The following L3MBTL4 variants were observed in gnomAD, a reference collection of about 807,000 sequenced individuals.
The protein encoded by L3MBTL4 is L3MBTL histone methyl-lysine binding protein 4.
A neutral mutation model predicts 84.5 loss-of-function variants in L3MBTL4; 70 were observed. The observed-to-expected ratio is 0.83, with a 90% CI of 0.68 to 1.01. The LOEUF (loss-of-function observed/expected upper bound fraction) is 1.01. Ranked by LOEUF, L3MBTL4 falls within the 50% of genes least tolerant of loss-of-function variation. The pLI, the probability that L3MBTL4 is intolerant of heterozygous loss-of-function variation, is 0.00. For missense variants in L3MBTL4, 715 were observed against 754.8 expected (o/e 0.95, Z 0.62); for synonymous variants, 274 against 259.8 (o/e 1.05, Z -0.52).
chr18:6,273,622 G>C (rs1375884258), intron 4 of L3MBTL4, among the ~76,000 whole-genome samples: 1 of 152,232 alleles, frequency 6.6e-6, no homozygotes, highest in African/African-American at 2.4e-5. Flanking sequence ...TTTGCGGACA[G>C]CTGGGGGCTG....
chr18:6,136,677 G>T (rs59817968), intron 14 of L3MBTL4, among the ~76,000 whole-genome samples: 2,822 of 152,134 alleles, frequency 0.019, 103 homozygotes, highest in African/African-American at 0.065. Context: ...GAAACCTTTA[G>T]AGGGTATTTA....
chr18:5,974,228 G>C (rs1350189679), intron 16 of L3MBTL4, among the ~76,000 whole-genome samples: 1 of 152,110 alleles, frequency 6.6e-6, no homozygotes. Context: ...TTCATTCAAG[G>C]TGCTTACAGA....
At chr18:6,349,323 G>A (rs1047641587) in intron 1 of L3MBTL4, among the ~76,000 whole-genome samples, 7 of 152,208 alleles carry the variant, frequency 4.6e-5, no homozygotes, top group Admixed American at 4.6e-4. Context: ...AGTAATGTGT[G>A]GTGTATTCAT....
At chr18:6,360,714 C>CA (rs2053651139) in intron 1 of L3MBTL4, among the ~76,000 whole-genome samples, 1 of 151,938 alleles carries the variant, frequency 6.6e-6, no homozygotes, top group South Asian at 2.1e-4. Flanking sequence ...GAGTGCAGTG[C>CA]AGTGCTAGCT....
intron 12 of L3MBTL4, among the ~76,000 whole-genome samples, chr18:6,172,764 T>C (rs899004216): frequency 1.3e-5 from 2 of 152,142 alleles, no homozygotes; most frequent in African/African-American, 4.8e-5. Context: ...AAAATCTATA[T>C]CCTTTCTAAT....
chr18:6,164,789 G>T (rs937417571), intron 13 of L3MBTL4, among the ~76,000 whole-genome samples: 1 of 152,192 alleles, frequency 6.6e-6, no homozygotes, highest in African/African-American at 2.4e-5. Flanking sequence ...CTCCTCCAAA[G>T]GAACGCAGCT....
intron 12 of L3MBTL4, among the ~76,000 whole-genome samples, chr18:6,175,136 A>G (rs756883219): frequency 1.8e-4 from 28 of 152,190 alleles, no homozygotes; most frequent in Non-Finnish European, 2.8e-4. Context: ...GGCAAATCAT[A>G]GACCACTGAA....
chr18:6,041,928 G>T (rs1167315045), intron 16 of L3MBTL4, among the ~76,000 whole-genome samples: 2 of 151,770 alleles, frequency 1.3e-5, no homozygotes, highest in Non-Finnish European at 2.9e-5. Flanking sequence ...TCACTACGTT[G>T]CCCAGGCTGG....
chr18:6,039,905 A>G (rs2145701225), intron 16 of L3MBTL4, among the ~76,000 whole-genome samples: 2 of 152,336 alleles, frequency 1.3e-5, no homozygotes, highest in South Asian at 4.1e-4. Flanking sequence ...ACTTACAATA[A>G]TAAAAATAAC....
intron 16 of L3MBTL4, among the ~76,000 whole-genome samples, chr18:6,025,487 T>C (rs1334840847): frequency 2.0e-5 from 3 of 152,238 alleles, no homozygotes; most frequent in African/African-American, 7.2e-5. Context: ...TGTGTGAATA[T>C]ATTTCAGTTT....
intron 14 of L3MBTL4, among the ~76,000 whole-genome samples, chr18:6,101,774 T>C (rs2058839033): frequency 6.6e-6 from 1 of 152,242 alleles, no homozygotes; most frequent in Admixed American, 6.5e-5. Context: ...CTTTCTATAA[T>C]TCATGTTCCT....
intron 16 of L3MBTL4, among the ~76,000 whole-genome samples, chr18:6,054,749 C>T (rs1238344482): frequency 2.0e-5 from 3 of 152,220 alleles, no homozygotes; most frequent in Non-Finnish European, 2.9e-5. Context: ...TGGCCTGTGC[C>T]TAGAATAATG....
intron 14 of L3MBTL4, among the ~76,000 whole-genome samples, chr18:6,098,848 G>C (rs888336683): frequency 1.3e-5 from 2 of 152,210 alleles, no homozygotes; most frequent in Non-Finnish European, 2.9e-5. Flanking sequence ...AACAGGTACT[G>C]TGTCTGGGTG....
intron 16 of L3MBTL4, among the ~76,000 whole-genome samples, chr18:6,073,057 G>C (rs1344148973): frequency 6.7e-6 from 1 of 149,958 alleles, no homozygotes; most frequent in African/African-American, 2.5e-5. Context: ...TAATAACAGA[G>C]AAAACAAATG....
At chr18:6,331,476 G>GA (rs921141052) in intron 1 of L3MBTL4, among the ~76,000 whole-genome samples, 2 of 151,538 alleles carry the variant, frequency 1.3e-5, no homozygotes, top group African/African-American at 2.4e-5. Context: ...AAATTAGTAT[G>GA]AAAAAAAAGT....
At chr18:6,174,132 C>T (rs1054783074) in intron 12 of L3MBTL4, among the ~76,000 whole-genome samples, 3 of 148,978 alleles carry the variant, frequency 2.0e-5, no homozygotes, top group African/African-American at 2.5e-5. Context: ...CCTGATAGAA[C>T]GAACTCTACT....
At chr18:6,008,319 C>A (rs1213348571) in intron 16 of L3MBTL4, among the ~76,000 whole-genome samples, 1 of 152,146 alleles carries the variant, frequency 6.6e-6, no homozygotes, top group East Asian at 1.9e-4. Context: ...TCTAGAGGCA[C>A]GTGACAGCTC....
At chr18:6,393,609 C>T (rs1212621482) in intron 1 of L3MBTL4, among the ~76,000 whole-genome samples, 1 of 152,226 alleles carries the variant, frequency 6.6e-6, no homozygotes, top group Non-Finnish European at 1.5e-5. Context: ...AGCCAAACAC[C>T]TTGGAGCCAT....
In L3MBTL4 at chr18:6,145,265, C is replaced by T. The variant is rs114061394; in HGVS notation, c.1097-6969G>A. Reference sequence around the variant, plus strand: ...TCCAAAATGGCCCAAATTGGTGACTCTGGGTGATGTAAATGAAAATGCTTA... The same window carrying T: ...TCCAAAATGGCCCAAATTGGTGACTTTGGGTGATGTAAATGAAAATGCTTA... On this transcript the variant is annotated intron_variant, in intron 13 of 18. Coordinates refer to ENST00000317931, the MANE Select transcript of L3MBTL4 (RefSeq NM_001330559.2). Among the ~76,000 whole-genome samples, 650 of 152,190 alleles carry T rather than the reference C, an allele frequency of 4.3e-3. 5 individuals carry two copies. Among genetic ancestry groups the T allele is most frequent in the African/African-American group, 0.015 (622 of 41,524 alleles).
Sources: allele counts gnomAD v4.1 joint callset (sites outside exome capture counted in the v4.1 genomes callset), GRCh38; gene constraint gnomAD v4.1.1; transcripts MANE v1.5; gene names NCBI Gene and HGNC (gene_info 2026-07-23, HGNC 2026-07-21).